The following USP6 variants were observed in gnomAD, a reference collection of about 807,000 sequenced individuals.
USP6 encodes ubiquitin carboxyl-terminal hydrolase 6.
USP6 carries 128 observed loss-of-function variants against 175.7 expected under a neutral mutation model. The ratio of observed to expected loss-of-function variants is 0.73; its 90% CI spans 0.63 to 0.84. The LOEUF is 0.84. Ranked by LOEUF, USP6 falls within the 40% of genes least tolerant of loss-of-function variation. USP6 has a pLI of 0.00. For synonymous variants in USP6, 562 were observed against 630.6 expected, an observed-to-expected ratio of 0.89 and a Z score of 1.63; for missense variants, 1,498 against 1,760.3, an observed-to-expected ratio of 0.85 and a Z score of 2.67.
rs750862063 is a variant in USP6, at chr17:5,135,279, C to T, written c.540C>T (p.Asn180=). ...FYILLAYSEY[N]PEVGYCRDLS... ...TCCTCCTGGCCTATTCGGAGTATAA[C>T]CCGGTGAGTATTCCCGGCAGTGAGG... Residue 180 remains asparagine (N), a synonymous_variant, in exon 16 of 38, where the codon AAC becomes AAT. Coordinates refer to ENST00000574788, the MANE Select transcript of USP6 (RefSeq NM_001304284.2). 6.8e-6 allele frequency: 11 copies of T among 1,612,682 alleles called. No individual in the cohort carries two copies. The highest frequency in any genetic ancestry group is 8.5e-6 in the Non-Finnish European group (10 of 1,179,078).
intron 26 of USP6, 87 bp from the exon 27 acceptor site, chr17:5,145,318 A>G: frequency 1.4e-6 from 2 of 1,425,220 alleles, no homozygotes; most frequent in Non-Finnish European, 1.9e-6. Flanking sequence ...TTTTAAATCC[A>G]ATATATTTAA....
rs767201329 is a variant in USP6, at chr17:5,169,811, A to G, written c.3518-668A>G. Among the ~76,000 whole-genome samples, 12 of 152,352 alleles carry G rather than the reference A, an allele frequency of 7.9e-5. No homozygotes were observed. The Middle Eastern group carries it at 0.01, about 130-fold the overall frequency. On this transcript the variant is annotated intron_variant, in intron 35 of 37. Transcript: ENST00000574788. ...ACTTTTTTTCTCTCACAGATGTACA[A>G]TGGTGTAAGAGAAAACATGACATGG...
intron 30 of USP6, among the ~76,000 whole-genome samples, chr17:5,153,153 GT>G (rs546019017): frequency 1.3e-5 from 2 of 152,186 alleles, no homozygotes; most frequent in Non-Finnish European, 2.9e-5. Flanking sequence ...TAGAATAATA[GT>G]TACCTTTGTG....
rs113085169 is a variant in USP6 at position 5,133,004 on chromosome 17, G to A, written c.276+14G>A. On this transcript the variant is annotated intron_variant, in intron 13 of 37. Transcript: ENST00000574788. ...CACAGTAGCAAAGTAATGTGTGGAG[G>A]GAGAGGCCCCTGGAAGCACTCTCTG... 3 of 1,613,542 alleles carry A rather than the reference G, an allele frequency of 1.9e-6. No homozygotes were observed. The highest frequency in any genetic ancestry group is 2.7e-5 in the African/African-American group (2 of 75,054).
At chr17:5,144,372 G>C (rs995344375) in intron 25 of USP6, among the ~76,000 whole-genome samples, 2 of 152,034 alleles carry the variant, frequency 1.3e-5, no homozygotes, top group African/African-American at 4.8e-5. Context: ...TATAGAACAG[G>C]ATGTCTTTCC....
chr17:5,132,392 A>G lies in USP6; in HGVS notation c.156-4A>G. 6.2e-7 allele frequency: 1 copy of G among 1,612,124 alleles called. No homozygotes were observed. The highest frequency in any genetic ancestry group is 2.2e-5 in the East Asian group (1 of 44,858). ...TCCTCAGCTCTGCCTGGGTTGCCTT[A>G]CAGTGAGACGGAGCTGCCTCCTGTG... On this transcript the variant is annotated splice_region_variant and splice_polypyrimidine_tract_variant and intron_variant, in intron 11 of 37. Coordinates refer to ENST00000574788, the MANE Select transcript of USP6 (RefSeq NM_001304284.2). The surrounding 1 kb of genome is among the most constrained non-coding windows in gnomAD (Gnocchi z 4.7).
rs138054262 is a variant in USP6, at chr17:5,169,030, C to T, written c.3492C>T (p.Ser1164=). 406 of 1,611,030 alleles carry T rather than the reference C, an allele frequency of 2.5e-4. No homozygotes were observed. The Middle Eastern group carries it at 3.5e-3, about 14-fold the overall frequency. Residue 1164 remains serine, a synonymous_variant, in exon 35 of 38, where the codon AGC becomes AGT. Coordinates refer to ENST00000574788, the MANE Select transcript of USP6 (RefSeq NM_001304284.2). ...TAAGCAAAAGCCCATCCTCACTCAG[C>T]GCTAACATCAGCAGCAGCCCAAAAG... ...MLLSKSPSSL[S]ANISSSPKGS...
chr17:5,160,514 A>G (rs1424177293), intron 31 of USP6, among the ~76,000 whole-genome samples: 1 of 152,206 alleles, frequency 6.6e-6, no homozygotes, highest in Non-Finnish European at 1.5e-5. Context: ...AAGGATGAGT[A>G]AATTTTTTTA....
Position 5,116,463 on chromosome 17 carries a change from G to A in USP6, c.-2205G>A, listed in dbSNP as rs1198605754. 1.3e-5 allele frequency: 2 copies of A among 152,322 alleles called. No individual in the cohort carries two copies. Among genetic ancestry groups the A allele is most frequent in the East Asian group, 1.9e-4 (1 of 5,204 alleles). 9.4% of individuals were successfully genotyped at this position (152,322 alleles called of 1,614,324 possible). A position where few individuals can be genotyped will look rare whatever the true frequency, so the allele number is the denominator to read the frequency against. ...GCCGCCGTCTCGTGTGGTGTCTGAGGGGCGTCTACCTGGAGTCACTGAGCC... is the reference window on the plus strand; with the variant it reads ...GCCGCCGTCTCGTGTGGTGTCTGAGAGGCGTCTACCTGGAGTCACTGAGCC... On this transcript the variant is annotated 5_prime_UTR_variant, in exon 1 of 38. Coordinates refer to ENST00000574788, the MANE Select transcript of USP6 (RefSeq NM_001304284.2).
In USP6 at chr17:5,174,943, TTATC is replaced by T. The variant is rs2074293490; in HGVS notation, c.*1967_*1970del. 5.3e-6 allele frequency: 1 copy of T among 190,124 alleles called. No individual in the cohort carries two copies. Among genetic ancestry groups the T allele is most frequent in the African/African-American group, 2.3e-5 (1 of 43,002 alleles). 11.8% of individuals were successfully genotyped at this position (190,124 alleles called of 1,614,324 possible). Reference sequence around the variant, plus strand: ...GTAATTGTATATGGGGTGTACCTGTTTATCTGTTAACTATTATCCAAACAAATTA... The same window carrying T: ...GTAATTGTATATGGGGTGTACCTGTTTGTTAACTATTATCCAAACAAATTA... On this transcript the variant is annotated 3_prime_UTR_variant, in exon 38 of 38. Coordinates refer to ENST00000574788, the MANE Select transcript of USP6 (RefSeq NM_001304284.2).
In USP6 at chr17:5,130,774, G is replaced by A. The variant is rs1489419706; in HGVS notation, c.155+90G>A. On this transcript the variant is annotated intron_variant, in intron 11 of 37. Transcript: ENST00000574788. ...TTTTAGAAAGGCCTTTCTGATGCAG[G>A]ACATGTCTCGCTAGGTCGGGCCAAC... The A allele has an allele frequency of 3.3e-6, 5 of 1,511,518 alleles. No individual in the cohort carries two copies. The East Asian group carries it at 9.1e-5, about 27-fold the overall frequency. 93.6% of individuals were successfully genotyped at this position (1,511,518 alleles called of 1,614,324 possible).
At chr17:5,134,688 G>C (rs962328520) in intron 15 of USP6, 2 of 182,742 alleles carry the variant, frequency 1.1e-5, no homozygotes, top group South Asian at 2.3e-4. Context: ...ATGCCTGCAC[G>C]AACGTGGGTG....
rs2073576805 is a variant in USP6, at chr17:5,145,387, C to T, written c.1993-18C>T. On this transcript the variant is annotated intron_variant, in intron 26 of 37. Coordinates refer to ENST00000574788, the MANE Select transcript of USP6 (RefSeq NM_001304284.2). Reference sequence around the variant, plus strand: ...CTTTTGGATTTTGAGAGAAAATTCTCATCTTTTTTATTGCTAGGCCTGGGA... The same window carrying T: ...CTTTTGGATTTTGAGAGAAAATTCTTATCTTTTTTATTGCTAGGCCTGGGA... The T allele has an allele frequency of 1.9e-6, 3 of 1,551,204 alleles. No homozygotes were observed. The South Asian group carries it at 3.7e-5, about 19-fold the overall frequency.
intron 33 of USP6, among the ~76,000 whole-genome samples, chr17:5,165,914 C>G (rs531742353): frequency 6.6e-6 from 1 of 152,360 alleles, no homozygotes; most frequent in African/African-American, 2.4e-5. Flanking sequence ...CTGTCTTCCT[C>G]TAGCACTGTA....
At position 5,132,247 on chromosome 17, in the gene USP6, G is replaced by T. The variant is rs1473584267; in HGVS notation, c.156-149G>T. Reference sequence around the variant, plus strand: ...CTCCTGGGAGTCAGAGCCACAGGAAGGCCCTTGTCCTCCCTTCCCTGTGCC... The same window carrying T: ...CTCCTGGGAGTCAGAGCCACAGGAATGCCCTTGTCCTCCCTTCCCTGTGCC... On this transcript the variant is annotated intron_variant, in intron 11 of 37. Transcript: ENST00000574788. This position sits in a 1 kb window ranked among gnomAD's most constrained non-coding sequence, Gnocchi z 4.7. The T allele has an allele frequency of 6.3e-7, 1 of 1,595,830 alleles. No homozygotes were observed. The highest frequency in any genetic ancestry group is 1.3e-5 in the African/African-American group (1 of 74,718).
chr17:5,167,090 T>C (rs1186358138), intron 33 of USP6, among the ~76,000 whole-genome samples: 2 of 152,238 alleles, frequency 1.3e-5, no homozygotes, highest in Non-Finnish European at 2.9e-5. Flanking sequence ...CTGTGTTACA[T>C]GGGATCAGAT....
intron 31 of USP6, among the ~76,000 whole-genome samples, chr17:5,157,437 G>A (rs751404340): frequency 1.3e-5 from 2 of 152,152 alleles, no homozygotes; most frequent in Non-Finnish European, 2.9e-5. Flanking sequence ...TAAATAAATC[G>A]TAAAGGAAAA....
rs542717202 is a variant in USP6 at position 5,116,600 on chromosome 17, C to G, written c.-2068C>G. 1 of 152,440 alleles carries G rather than the reference C, an allele frequency of 6.6e-6. No individual in the cohort carries two copies. The highest frequency in any genetic ancestry group is 3.4e-3 in the Middle Eastern group (1 of 298). 9.4% of individuals were successfully genotyped at this position (152,440 alleles called of 1,614,324 possible). On this transcript the variant is annotated 5_prime_UTR_variant, in exon 1 of 38. Transcript: ENST00000574788. ...CCGTGGCCCGTGGAGGCACTAGACCCTCACCAGGGGTCTGTCAGGAAAGGC... is the reference window on the plus strand; with the variant it reads ...CCGTGGCCCGTGGAGGCACTAGACCGTCACCAGGGGTCTGTCAGGAAAGGC...
chr17:5,119,109 T>C (rs1478463145), intron 2 of USP6, among the ~76,000 whole-genome samples: 2 of 152,168 alleles, frequency 1.3e-5, no homozygotes, highest in Non-Finnish European at 2.9e-5. Flanking sequence ...ATCAAGTATT[T>C]ATATGAAGAA....
Sources: gnomAD v4.1 joint callset for allele counts (sites outside exome capture counted in the v4.1 genomes callset) on GRCh38, gnomAD v4.1.1 for gene constraint, Gnocchi (gnomAD v3.1) non-coding constraint, MANE v1.5 for transcripts, NCBI Gene and HGNC (gene_info 2026-07-23, HGNC 2026-07-21) for gene names.